ARGFX: variants seen among roughly 807,000 people sequenced by gnomAD.
ARGFX encodes arginine-fifty homeobox.
In ARGFX, 10 loss-of-function variants were observed where a neutral mutation model predicts 8.0. The ratio of observed to expected loss-of-function variants is 1.25; its 90% CI spans 0.77 to 2.12. The LOEUF (loss-of-function observed/expected upper bound fraction) is 2.12, where lower values mean the gene tolerates loss of function less well. Among genes scored for constraint, ARGFX ranks in the 30% most tolerant of loss-of-function variants. The probability of loss-of-function intolerance (pLI) is 0.00; values close to 1 mark genes in which losing one functional copy is unlikely to be tolerated. For missense variants in ARGFX, 282 were observed against 324.3 expected, an observed-to-expected ratio of 0.87 and a Z score of 1.00; for synonymous variants, 116 against 117.8, an observed-to-expected ratio of 0.98 and a Z score of 0.10.
At chr3:121,579,945 C>CTTTTTTTTTTTTTTTTTTTTTTTTTTT (rs1174620508) in intron 3 of ARGFX, among the ~76,000 whole-genome samples, 25 of 91,588 alleles carry the variant, frequency 2.7e-4, no homozygotes, top group Non-Finnish European at 3.5e-4. Flanking sequence ...CTTTTCTTTT[C>CTTTTTTTTTTTTTTTTTTTTTTTTTTT]TTTTTTTTTT....
intron 3 of ARGFX, among the ~76,000 whole-genome samples, chr3:121,577,550 A>C (rs142273627): frequency 0.011 from 1,635 of 151,800 alleles, 13 homozygotes; most frequent in Non-Finnish European, 0.016. Flanking sequence ...GAGCCACCAC[A>C]CCTGGCCAGA....
chr3:121,568,304 T>G lies in ARGFX; in HGVS notation c.-13+291T>G, dbSNP rs530013838. Among the ~76,000 whole-genome samples, 13 of 152,288 alleles carry G rather than the reference T, an allele frequency of 8.5e-5. No homozygotes were observed. The South Asian group carries it at 2.7e-3, about 32-fold the overall frequency. On this transcript the variant is annotated intron_variant, in intron 1 of 4. Coordinates refer to ENST00000334384, the MANE Select transcript of ARGFX (RefSeq NM_001012659.2). The stretch of plus-strand genomic sequence containing the variant: ...TGTTAGCCAGGCCTTTGGAAATCCT[T>G]AATTAGAATGTAAACTCCATCATAG...
intron 3 of ARGFX, among the ~76,000 whole-genome samples, chr3:121,578,866 A>G (rs1226253749): frequency 1.3e-5 from 2 of 148,966 alleles, no homozygotes; most frequent in Non-Finnish European, 3.0e-5. Context: ...TTTAGTAGAT[A>G]TGGGGTTTCA....
intron 2 of ARGFX, among the ~76,000 whole-genome samples, chr3:121,575,802 A>T (rs1169368168): frequency 6.6e-6 from 1 of 152,082 alleles, no homozygotes; most frequent in Non-Finnish European, 1.5e-5. Context: ...AGTCTCAGCT[A>T]CTTGGGAGGC....
chr3:121,587,231 T>G lies in ARGFX; in HGVS notation c.*631T>G, dbSNP rs2048817786. ...CATGCCTGGCTAACTTTTGTATTTT[T>G]AGTAGAGACGGGGTTTCACCACGTT... On this transcript the variant is annotated 3_prime_UTR_variant, in exon 5 of 5. Coordinates refer to ENST00000334384, the MANE Select transcript of ARGFX (RefSeq NM_001012659.2). Among the ~76,000 whole-genome samples, 1 of 152,136 alleles carries G rather than the reference T, an allele frequency of 6.6e-6. No individual in the cohort carries two copies. Among genetic ancestry groups the G allele is most frequent in the African/African-American group, 2.4e-5 (1 of 41,440 alleles).
rs1462636485 is a variant in ARGFX at position 121,587,424 on chromosome 3, G to A, written c.*824G>A. On this transcript the variant is annotated 3_prime_UTR_variant, in exon 5 of 5. Coordinates refer to ENST00000334384, the MANE Select transcript of ARGFX (RefSeq NM_001012659.2). ...CTGGTCTCCAACTCCTGGACTTAAC[G>A]CCATCCACCTGCCACAGCCTCCCAA... is the stretch of plus-strand genomic sequence containing the variant. Among the ~76,000 whole-genome samples the A allele has an allele frequency of 6.6e-6, 1 of 151,932 alleles. No homozygotes were observed. The highest frequency in any genetic ancestry group is 2.4e-5 in the African/African-American group (1 of 41,370).
intron 2 of ARGFX, 41 bp downstream of exon 2, chr3:121,570,857 C>T (rs759321978): frequency 7.3e-7 from 1 of 1,371,148 alleles, no homozygotes; most frequent in South Asian, 1.5e-5. Flanking sequence ...TTTTCTACTG[C>T]CCCATTCTCA....
rs184729641 is a variant in ARGFX, at chr3:121,589,200, G to A, written c.*2600G>A. Among the ~76,000 whole-genome samples, 79 of 152,112 alleles carry A rather than the reference G, an allele frequency of 5.2e-4. No homozygotes were observed. The highest frequency in any genetic ancestry group is 1.9e-3 in the African/African-American group (78 of 41,502). ...TAAATAAATAAATAGAAGAAATCAT[G>A]AGTAAAATTGGAAAACACTTTTAAC... On this transcript the variant is annotated 3_prime_UTR_variant, in exon 5 of 5. Transcript: ENST00000334384.
chr3:121,588,617 C>T lies in ARGFX; in HGVS notation c.*2017C>T, dbSNP rs898803898. ...GAAAACTTCAAAACTTAAAAAAGGA[C>T]ATAGAAAATGTTTTGAATAGGCCAG... On this transcript the variant is annotated 3_prime_UTR_variant, in exon 5 of 5. Transcript: ENST00000334384. Among the ~76,000 whole-genome samples, 1 of 151,614 alleles carries T rather than the reference C, an allele frequency of 6.6e-6. No individual in the cohort carries two copies. Among genetic ancestry groups the T allele is most frequent in the East Asian group, 1.9e-4 (1 of 5,172 alleles).
At chr3:121,580,016 G>A (rs886353941) in intron 3 of ARGFX, among the ~76,000 whole-genome samples, 12 of 136,776 alleles carry the variant, frequency 8.8e-5, no homozygotes, top group East Asian at 6.8e-4. Flanking sequence ...GCAGTGGCGC[G>A]GTCTCAGCTT....
chr3:121,581,970 C>A (rs1476695919), intron 3 of ARGFX, among the ~76,000 whole-genome samples: 1 of 151,952 alleles, frequency 6.6e-6, no homozygotes. Flanking sequence ...TCATTTGAAG[C>A]AGTGGCTACT....
At chr3:121,574,032 G>A (rs941676192) in intron 2 of ARGFX, among the ~76,000 whole-genome samples, 1 of 152,090 alleles carries the variant, frequency 6.6e-6, no homozygotes, top group African/African-American at 2.4e-5. Flanking sequence ...GTGTCGGTGA[G>A]GATGGGGAGA....
At chr3:121,575,469 C>A (rs1044865134) in intron 2 of ARGFX, among the ~76,000 whole-genome samples, 2 of 152,154 alleles carry the variant, frequency 1.3e-5, no homozygotes, top group Non-Finnish European at 2.9e-5. Context: ...TCGCTATAGT[C>A]TCTCATCCTC....
chr3:121,576,872 C>CCTTCCTTCCT lies in ARGFX; in HGVS notation c.192_193insCTTCCTTCCT (p.Ser65LeufsTer19). On this transcript the variant is annotated frameshift_variant, in exon 3 of 5. Coordinates refer to ENST00000334384, the MANE Select transcript of ARGFX (RefSeq NM_001012659.2). LOFTEE classifies it high-confidence loss of function. Reference sequence around the variant, plus strand: ...TCCCAGGTTCAACTGATCCTCCCACCTCAGCCTCCCGAGTAGCTGCGACTA... The same window carrying CCTTCCTTCCT: ...TCCCAGGTTCAACTGATCCTCCCACCCTTCCTTCCTTCAGCCTCCCGAGTAGCTGCGACTA... The CCTTCCTTCCT allele has an allele frequency of 2.6e-6, 1 of 391,834 alleles. No individual in the cohort carries two copies. Among genetic ancestry groups the CCTTCCTTCCT allele is most frequent in the Non-Finnish European group, 5.0e-6 (1 of 201,420 alleles). The allele number at this position is 391,834 out of a possible 1,614,324, so 24.3% of individuals were successfully genotyped here.
At chr3:121,585,190 C>A (rs190596670) in intron 4 of ARGFX, 125 bp downstream of exon 4, 2 of 1,088,498 alleles carry the variant, frequency 1.8e-6, no homozygotes, top group Non-Finnish European at 2.6e-6. Flanking sequence ...CCTACTGAAA[C>A]GGTATCAAAC....
chr3:121,577,263 T>TATCTACATGTACA (rs2048748325), intron 3 of ARGFX, among the ~76,000 whole-genome samples: 1 of 48,716 alleles, frequency 2.1e-5, no homozygotes, highest in Non-Finnish European at 5.0e-5. Flanking sequence ...ATATATATTT[T>TATCTACATGTACA]TTTTTTTTTA....
intron 2 of ARGFX, 105 bp from the exon 3 acceptor site, chr3:121,576,677 CTT>C (rs376771837): frequency 2.0e-4 from 64 of 327,216 alleles, no homozygotes; most frequent in African/African-American, 1.4e-3. Context: ...CTTTCTTTCT[CTT>C]TCTTTTTCTT....
chr3:121,572,749 A>G (rs1433559915), intron 2 of ARGFX, among the ~76,000 whole-genome samples: 3 of 152,222 alleles, frequency 2.0e-5, no homozygotes, highest in Non-Finnish European at 4.4e-5. Flanking sequence ...CTCATATTAC[A>G]CAATCTCAAC....
intron 3 of ARGFX, among the ~76,000 whole-genome samples, chr3:121,579,377 C>A (rs1045591961): frequency 6.6e-6 from 1 of 152,134 alleles, no homozygotes; most frequent in Non-Finnish European, 1.5e-5. Context: ...TTCATTTTAG[C>A]CAAGGCTGAC....
Sources: allele counts gnomAD v4.1 joint callset (sites outside exome capture counted in the v4.1 genomes callset), GRCh38; gene constraint gnomAD v4.1.1; transcripts MANE v1.5; gene names NCBI Gene and HGNC (gene_info 2026-07-23, HGNC 2026-07-21).